The following CHN2 variants were observed in gnomAD, a reference collection of about 807,000 sequenced individuals.
The protein encoded by CHN2 is chimerin 2.
Under a neutral mutation model 56.3 loss-of-function variants are expected in CHN2, and 35 were observed. That is an observed-to-expected ratio of 0.62 (90% CI 0.47 to 0.82). The LOEUF is 0.82. CHN2 is among the 40% of genes least tolerant of loss of function. The pLI, the probability that CHN2 is intolerant of heterozygous loss-of-function variation, is 0.00. For missense variants in CHN2, 491 were observed against 580.5 expected (o/e 0.85, Z 1.58); for synonymous variants, 210 against 212.8 (o/e 0.99, Z 0.12).
intron 2 of CHN2, among the ~76,000 whole-genome samples, chr7:29,362,674 C>T (rs919631188): frequency 6.6e-6 from 1 of 152,166 alleles, no homozygotes; most frequent in Non-Finnish European, 1.5e-5. Flanking sequence ...CCTCTTTCCT[C>T]TATCTGTAAC....
At chr7:29,496,828 A>G (rs927198132) in intron 8 of CHN2, among the ~76,000 whole-genome samples, 3 of 152,206 alleles carry the variant, frequency 2.0e-5, no homozygotes, top group Non-Finnish European at 1.5e-5. Context: ...TCATGTTGCC[A>G]TGGTTTTTCT....
intron 1 of CHN2, among the ~76,000 whole-genome samples, chr7:29,242,891 T>C (rs1449167827): frequency 1.3e-5 from 2 of 151,752 alleles, no homozygotes. Flanking sequence ...CAACTTTTTT[T>C]TTTTCTGGAA....
rs567720025 is a variant in CHN2, at chr7:29,353,391, C to T, written c.50-1234C>T. Among the ~76,000 whole-genome samples, 9 of 152,282 alleles carry T rather than the reference C, an allele frequency of 5.9e-5. No homozygotes were observed. In the East Asian group the frequency reaches 1.5e-3, roughly 26 times the overall value. On this transcript the variant is annotated intron_variant, in intron 1 of 12. Transcript: ENST00000222792. The stretch of plus-strand genomic sequence containing the variant: ...TCTAACAGCCAGGCGCAGTGGCTCA[C>T]GCCTGTAATCCTAGCACTTTGGGAG...
chr7:29,351,560 C>G (rs923277588), intron 1 of CHN2, among the ~76,000 whole-genome samples: 10 of 152,158 alleles, frequency 6.6e-5, no homozygotes, highest in African/African-American at 2.4e-4. Context: ...AGGAACCTGG[C>G]AGGTAGAGCC....
rs1402335374 is a variant in CHN2 at position 29,416,910 on chromosome 7, C to CTCCTTGCTGGCCCCTGCAGGCA, written c.576+16085_576+16106dup. ...TGCGACATTTCCTCCCATTGTGGAGCTCCTTGCTGGCCCCTGCAGGCATCT... is the reference window on the plus strand; with the variant it reads ...TGCGACATTTCCTCCCATTGTGGAGCTCCTTGCTGGCCCCTGCAGGCATCCTTGCTGGCCCCTGCAGGCATCT... On this transcript the variant is annotated intron_variant, in intron 6 of 12. Transcript: ENST00000222792. 5.8e-4 allele frequency among the ~76,000 whole-genome samples: 89 copies of CTCCTTGCTGGCCCCTGCAGGCA among 152,330 alleles called. 1 individual carries two copies. The highest frequency in any genetic ancestry group is 2.0e-3 in the African/African-American group (85 of 41,576).
intron 6 of CHN2, among the ~76,000 whole-genome samples, chr7:29,409,303 G>T (rs12537539): frequency 0.21 from 31,685 of 152,070 alleles, 6,094 homozygotes; most frequent in African/African-American, 0.51. Flanking sequence ...GTTAAATCTT[G>T]ATATTTATGG....
intron 1 of CHN2, among the ~76,000 whole-genome samples, chr7:29,226,706 C>T (rs895402875): frequency 6.6e-6 from 1 of 152,144 alleles, no homozygotes; most frequent in Admixed American, 6.5e-5. Context: ...TTTCGAATTT[C>T]CTCTGGAATT....
At chr7:29,235,824 G>A (rs1787150497) in intron 1 of CHN2, among the ~76,000 whole-genome samples, 1 of 152,146 alleles carries the variant, frequency 6.6e-6, no homozygotes, top group South Asian at 2.1e-4. Flanking sequence ...CTTATAAGTG[G>A]GAGCTAAACA....
intron 1 of CHN2, among the ~76,000 whole-genome samples, chr7:29,290,404 A>T (rs1004416736): frequency 1.3e-5 from 2 of 152,000 alleles, no homozygotes; most frequent in African/African-American, 4.8e-5. Flanking sequence ...ATTTCTTTCC[A>T]TTTGATATCT....
intron 6 of CHN2, among the ~76,000 whole-genome samples, chr7:29,415,484 G>A (rs771765694): frequency 4.0e-5 from 6 of 150,830 alleles, no homozygotes; most frequent in Admixed American, 1.3e-4. Flanking sequence ...AGAAGAGCCC[G>A]AATGGAGTCC....
At chr7:29,355,996 C>T (rs1027479348) in intron 2 of CHN2, among the ~76,000 whole-genome samples, 1 of 151,620 alleles carries the variant, frequency 6.6e-6, no homozygotes, top group African/African-American at 2.4e-5. Context: ...TTGCCCAGAG[C>T]GGTCTTGAAC....
intron 1 of CHN2, among the ~76,000 whole-genome samples, chr7:29,286,230 T>C (rs1234895001): frequency 4.7e-5 from 7 of 148,818 alleles, no homozygotes; most frequent in African/African-American, 1.5e-4. Flanking sequence ...TTTTTCCCCT[T>C]ACTCAGATTC....
chr7:29,440,220 A>C (rs1783531091), intron 6 of CHN2, among the ~76,000 whole-genome samples: 1 of 152,250 alleles, frequency 6.6e-6, no homozygotes, highest in Admixed American at 6.5e-5. Context: ...TTTTGTGGCT[A>C]AAATGTAGTA....
At chr7:29,351,558 G>A (rs568697270) in intron 1 of CHN2, among the ~76,000 whole-genome samples, 1 of 152,306 alleles carries the variant, frequency 6.6e-6, no homozygotes, top group African/African-American at 2.4e-5. Flanking sequence ...ACAGGAACCT[G>A]GCAGGTAGAG....
intron 6 of CHN2, among the ~76,000 whole-genome samples, chr7:29,440,697 A>T (rs113939967): frequency 0.047 from 6,124 of 129,548 alleles, 201 homozygotes; most frequent in African/African-American, 0.15. Flanking sequence ...AAAAAAAAAA[A>T]AAAAAAAAAA....
At chr7:29,158,218 C>G (rs1794693911) in intron 2 of CHN2, among the ~76,000 whole-genome samples, 1 of 152,188 alleles carries the variant, frequency 6.6e-6, no homozygotes, top group African/African-American at 2.4e-5. Flanking sequence ...TGTCTACAAT[C>G]AAGGACTATC....
chr7:29,200,186 G>A (rs1784040710), intron 1 of CHN2: 1 of 152,108 alleles, frequency 6.6e-6, no homozygotes, highest in South Asian at 2.1e-4. Flanking sequence ...ATGATTAATA[G>A]CATCCCCTAT....
intron 1 of CHN2, among the ~76,000 whole-genome samples, chr7:29,220,200 G>T (rs1785667097): frequency 6.6e-6 from 1 of 151,334 alleles, no homozygotes; most frequent in Non-Finnish European, 1.5e-5. Flanking sequence ...AACCGGGGAG[G>T]CAGAGGTTGC....
chr7:29,478,340 C>A (rs1454500137), intron 6 of CHN2, among the ~76,000 whole-genome samples: 1 of 152,008 alleles, frequency 6.6e-6, no homozygotes, highest in Non-Finnish European at 1.5e-5. Flanking sequence ...TCATGAAAAA[C>A]CAGCAATGCC....
Sources: gnomAD v4.1 joint callset for allele counts (sites outside exome capture counted in the v4.1 genomes callset) on GRCh38, gnomAD v4.1.1 for gene constraint, MANE v1.5 for transcripts, NCBI Gene and HGNC (gene_info 2026-07-23, HGNC 2026-07-21) for gene names.